The following FXR1 variants were observed in gnomAD, a reference collection of about 807,000 sequenced individuals.
FXR1 encodes RNA-binding protein FXR1.
In FXR1, 15 loss-of-function variants were observed where a neutral mutation model predicts 84.0. The observed-to-expected ratio is 0.18, with a 90% CI of 0.12 to 0.27. The LOEUF (loss-of-function observed/expected upper bound fraction) is 0.27, where lower values mean the gene tolerates loss of function less well. Among genes scored for constraint, FXR1 ranks in the 10% least tolerant of loss-of-function variants. The pLI is 1.00. For missense variants in FXR1, 480 were observed against 774.4 expected (o/e 0.62, Z 4.51); for synonymous variants, 245 against 250.7 (o/e 0.98, Z 0.21).
chr3:180,978,229 G>A lies in FXR1; in HGVS notation c.*1937G>A, dbSNP rs193140070. 135 of 150,196 alleles carry A rather than the reference G, an allele frequency of 9.0e-4. No individual in the cohort carries two copies. The highest frequency in any genetic ancestry group is 3.2e-3 in the African/African-American group (130 of 40,930). 9.3% of individuals were successfully genotyped at this position (150,196 alleles called of 1,614,324 possible). A position where few individuals can be genotyped will look rare whatever the true frequency, so the allele number is the denominator to read the frequency against. On this transcript the variant is annotated 3_prime_UTR_variant, in exon 17 of 17. Coordinates refer to ENST00000357559, the MANE Select transcript of FXR1 (RefSeq NM_005087.4). ...CATTTTCTCCCACATAGAATAGTCAGATATATTAAACATCCCTTTTCCATA... is the reference window on the plus strand; with the variant it reads ...CATTTTCTCCCACATAGAATAGTCAAATATATTAAACATCCCTTTTCCATA...
At chr3:180,937,418 C>A (rs1313700732) in intron 3 of FXR1, among the ~76,000 whole-genome samples, 1 of 151,998 alleles carries the variant, frequency 6.6e-6, no homozygotes, top group African/African-American at 2.4e-5. Flanking sequence ...CTTCCCTGTT[C>A]CTGAACAGTC....
At chr3:180,950,316 C>T (rs1251751100) in intron 7 of FXR1, among the ~76,000 whole-genome samples, 1 of 152,168 alleles carries the variant, frequency 6.6e-6, no homozygotes, top group East Asian at 1.9e-4. Flanking sequence ...AACAAATCTG[C>T]CTGTATCTGG....
chr3:180,927,696 G>A (rs1222576517), intron 1 of FXR1: 1 of 505,116 alleles, frequency 2.0e-6, no homozygotes, highest in Non-Finnish European at 3.5e-6. Flanking sequence ...TTCATAGTAA[G>A]GTAGGATCTA....
chr3:180,954,871 GAT>G lies in FXR1; in HGVS notation c.880+1032_880+1033del, dbSNP rs1491382417. On this transcript the variant is annotated intron_variant, in intron 9 of 16. Transcript: ENST00000357559. ...AAAATAAATACTTCCATTCTAAAAA[GAT>G]TTTTTTTTTTTTTTTTTTTTTGGTC... Among the ~76,000 whole-genome samples the G allele has an allele frequency of 1.1e-4, 11 of 101,370 alleles. No individual in the cohort carries two copies. In the East Asian group the frequency reaches 1.9e-3, roughly 17 times the overall value. 66.5% of individuals were successfully genotyped at this position (101,370 alleles called of 152,430 possible).
chr3:180,958,463 C>T (rs894730235), intron 10 of FXR1, among the ~76,000 whole-genome samples: 1 of 152,140 alleles, frequency 6.6e-6, no homozygotes, highest in Admixed American at 6.6e-5. Flanking sequence ...TAGCTAAGCT[C>T]CCACTTACAA....
chr3:180,929,167 A>C (rs897221540), intron 1 of FXR1, among the ~76,000 whole-genome samples: 7 of 152,062 alleles, frequency 4.6e-5, no homozygotes, highest in African/African-American at 1.7e-4. Flanking sequence ...GGCCTCCCAA[A>C]GTGCTGGGAT....
chr3:180,953,613 C>T (rs1230619115), intron 8 of FXR1, 149 bp from the exon 9 acceptor site: 3 of 499,870 alleles, frequency 6.0e-6, no homozygotes, highest in African/African-American at 5.9e-5. Flanking sequence ...AATCACTTCA[C>T]CTGAAATCTC....
chr3:180,933,457 TC>T (rs1482245626), intron 2 of FXR1, 71 bp downstream of exon 2: 1 of 811,848 alleles, frequency 1.2e-6, no homozygotes, highest in East Asian at 2.4e-5. Flanking sequence ...TTTTGGGTGT[TC>T]CTACTGCCAG....
At chr3:180,965,197 G>A (rs1712664256) in intron 13 of FXR1, among the ~76,000 whole-genome samples, 1 of 151,922 alleles carries the variant, frequency 6.6e-6, no homozygotes, top group Non-Finnish European at 1.5e-5. Flanking sequence ...TGTATTTTTA[G>A]TAGAGACAGG....
chr3:180,943,365 C>T (rs566467049), intron 3 of FXR1, among the ~76,000 whole-genome samples: 14 of 143,366 alleles, frequency 9.8e-5, no homozygotes, highest in Admixed American at 2.2e-4. Context: ...CAGGTTCAGG[C>T]GATTCTCCTG....
At chr3:180,958,379 C>T (rs1711602481) in intron 10 of FXR1, among the ~76,000 whole-genome samples, 1 of 152,042 alleles carries the variant, frequency 6.6e-6, no homozygotes, top group South Asian at 2.1e-4. Context: ...TTTTATCTCT[C>T]ACCCCCCTCC....
Position 180,978,464 on chromosome 3 carries a change from CATTA to C in FXR1, c.*2176_*2179del, listed in dbSNP as rs1257669880. 6.6e-6 allele frequency: 1 copy of C among 151,908 alleles called. No individual in the cohort carries two copies. Among genetic ancestry groups the C allele is most frequent in the Non-Finnish European group, 1.5e-5 (1 of 67,984 alleles). 9.4% of individuals were successfully genotyped at this position (151,908 alleles called of 1,614,324 possible). On this transcript the variant is annotated 3_prime_UTR_variant, in exon 17 of 17. Transcript: ENST00000357559. ...AGAGCCCCACTCCCCAAAGGGTAGCCATTAATTCAGGTAGCCTTTTAAATGTATT... is the reference window on the plus strand; with the variant it reads ...AGAGCCCCACTCCCCAAAGGGTAGCCATTCAGGTAGCCTTTTAAATGTATT...
At chr3:180,964,052 GAACT>G (rs1362496554) in intron 13 of FXR1, among the ~76,000 whole-genome samples, 1 of 152,104 alleles carries the variant, frequency 6.6e-6, no homozygotes, top group East Asian at 1.9e-4. Flanking sequence ...TATTAAACCT[GAACT>G]ATCTTCAATT....
At chr3:180,966,702 C>G (rs1176915235) in intron 13 of FXR1, among the ~76,000 whole-genome samples, 1 of 152,100 alleles carries the variant, frequency 6.6e-6, no homozygotes, top group Non-Finnish European at 1.5e-5. Flanking sequence ...AAAATAACAA[C>G]ATGGCACAGT....
chr3:180,970,383 A>AATATATAC (rs1713379998), intron 15 of FXR1, 25 bp downstream of exon 15: 2 of 368,208 alleles, frequency 5.4e-6, no homozygotes, highest in South Asian at 4.1e-5. Flanking sequence ...AGGGAAGAGA[A>AATATATAC]ATATATATAT....
intron 13 of FXR1, among the ~76,000 whole-genome samples, chr3:180,965,079 C>T (rs1479481252): frequency 6.6e-6 from 1 of 151,868 alleles, no homozygotes; most frequent in African/African-American, 2.4e-5. Context: ...TGCAGTGGCA[C>T]AATCTCGGCT....
intron 3 of FXR1, among the ~76,000 whole-genome samples, chr3:180,937,550 T>C (rs1204897769): frequency 1.3e-5 from 2 of 152,208 alleles, no homozygotes; most frequent in African/African-American, 4.8e-5. Flanking sequence ...ATGATTCAGC[T>C]CTGGTCAAAT....
At chr3:180,965,224 C>T (rs1488465050) in intron 13 of FXR1, among the ~76,000 whole-genome samples, 1 of 152,018 alleles carries the variant, frequency 6.6e-6, no homozygotes, top group Non-Finnish European at 1.5e-5. Flanking sequence ...CCATGTTGGT[C>T]AGGCTCGTCT....
At chr3:180,971,745 T>G (rs1455954542) in intron 15 of FXR1, 1 of 152,678 alleles carries the variant, frequency 6.5e-6, no homozygotes. Flanking sequence ...TTAGAATGTT[T>G]ATTTTATGTA....
Sources: allele counts gnomAD v4.1 joint callset (sites outside exome capture counted in the v4.1 genomes callset), GRCh38; gene constraint gnomAD v4.1.1; transcripts MANE v1.5; gene names NCBI Gene and HGNC (gene_info 2026-07-23, HGNC 2026-07-21).